Variants in NCEH1 observed in about 807,000 individuals in gnomAD.
NCEH1 encodes the protein 2-acetyl MAGE hydrolase.
A neutral mutation model predicts 25.4 loss-of-function variants in NCEH1; 9 were observed. The observed-to-expected ratio is 0.35, with a 90% CI of 0.21 to 0.62. NCEH1 has a LOEUF of 0.62. NCEH1 is among the 20% of genes least tolerant of loss of function. The pLI is 0.72. For missense variants in NCEH1, 412 were observed against 501.1 expected, an observed-to-expected ratio of 0.82 and a Z score of 1.70; for synonymous variants, 200 against 199.8, an observed-to-expected ratio of 1.00 and a Z score of -0.01.
At chr3:172,664,150 C>T (rs1311216627) in intron 1 of NCEH1, among the ~76,000 whole-genome samples, 1 of 152,144 alleles carries the variant, frequency 6.6e-6, no homozygotes, top group African/African-American at 2.4e-5. Context: ...GTAAGGCAGG[C>T]CTACTGGTGA....
At chr3:172,669,330 T>C (rs945737541) in intron 1 of NCEH1, among the ~76,000 whole-genome samples, 2 of 152,232 alleles carry the variant, frequency 1.3e-5, no homozygotes, top group African/African-American at 4.8e-5. Flanking sequence ...TAAGATGCTA[T>C]GGCTGAACTT....
intron 1 of NCEH1, among the ~76,000 whole-genome samples, chr3:172,659,985 C>T (rs1352951667): frequency 7.1e-6 from 1 of 140,542 alleles, no homozygotes; most frequent in African/African-American, 2.7e-5. Flanking sequence ...TGAAGCATTT[C>T]TTTTTTTTTT....
chr3:172,707,196 T>C (rs1271744732), intron 1 of NCEH1, among the ~76,000 whole-genome samples: 2 of 152,078 alleles, frequency 1.3e-5, no homozygotes, highest in South Asian at 4.2e-4. Context: ...CTGCATAGCA[T>C]TTGGAAATCA....
At chr3:172,683,901 A>G (rs1205714406) in intron 1 of NCEH1, among the ~76,000 whole-genome samples, 1 of 152,222 alleles carries the variant, frequency 6.6e-6, no homozygotes, top group Non-Finnish European at 1.5e-5. Context: ...TTACCACAGT[A>G]GTGTTACTTA....
Position 172,647,961 on chromosome 3 carries a change from G to A in NCEH1, c.292C>T (p.Pro98Ser), listed in dbSNP as rs1717197650. 2 of 1,614,110 alleles carry A rather than the reference G, an allele frequency of 1.2e-6. No individual in the cohort carries two copies. Among genetic ancestry groups the A allele is most frequent in the Non-Finnish European group, 1.7e-6 (2 of 1,180,020 alleles). ...DGVEVRVFEG[P>S]PKPEEPLKRS... Reference sequence around the variant, plus strand: ...TTCAGTGGCTCTTCGGGCTTCGGAGGGCCTTCAAACACTCTGACTTCCACA... The same window carrying A: ...TTCAGTGGCTCTTCGGGCTTCGGAGAGCCTTCAAACACTCTGACTTCCACA... Residue 98 changes from proline to serine, a missense_variant, in exon 2 of 5, where the codon CCT becomes TCT. By Grantham distance (74) the Pro-to-Ser change is moderately conservative. Coordinates refer to ENST00000475381, the MANE Select transcript of NCEH1 (RefSeq NM_020792.6).
chr3:172,639,472 T>C (rs2108490336), intron 3 of NCEH1, among the ~76,000 whole-genome samples: 1 of 152,254 alleles, frequency 6.6e-6, no homozygotes, highest in Middle Eastern at 3.4e-3. Flanking sequence ...AGGAAATTCA[T>C]GGGTGGTACA....
At chr3:172,645,749 C>A in intron 2 of NCEH1, 57 bp from the exon 3 acceptor site, 3 of 1,030,070 alleles carry the variant, frequency 2.9e-6, no homozygotes, top group South Asian at 3.6e-5. Flanking sequence ...ACTGTCCACT[C>A]ATAAATTCTG....
chr3:172,643,470 G>C (rs959184115), intron 3 of NCEH1, among the ~76,000 whole-genome samples: 1 of 152,150 alleles, frequency 6.6e-6, no homozygotes, highest in African/African-American at 2.4e-5. Flanking sequence ...GATGGAACTT[G>C]ACTGCCATAT....
At chr3:172,663,705 C>T (rs1026734867) in intron 1 of NCEH1, among the ~76,000 whole-genome samples, 3 of 152,164 alleles carry the variant, frequency 2.0e-5, no homozygotes, top group Admixed American at 1.3e-4. Flanking sequence ...GATCCCTTTA[C>T]CATTATGTAA....
rs189177464 is a variant in NCEH1, at chr3:172,652,553, G to C, written c.139-4439C>G. Among the ~76,000 whole-genome samples, 465 of 152,230 alleles carry C rather than the reference G, an allele frequency of 3.1e-3. 1 individual carries two copies. The highest frequency in any genetic ancestry group is 0.01 in the African/African-American group (420 of 41,526). On this transcript the variant is annotated intron_variant, in intron 1 of 4. Coordinates refer to ENST00000475381, the MANE Select transcript of NCEH1 (RefSeq NM_020792.6). The stretch of plus-strand genomic sequence containing the variant: ...ACCTAAAAGCAAACAGTGATGAGTG[G>C]GAATTCCTAAACTCACTGGGAATAA...
intron 1 of NCEH1, among the ~76,000 whole-genome samples, chr3:172,687,487 C>A (rs1441385252): frequency 6.6e-6 from 1 of 152,186 alleles, no homozygotes; most frequent in African/African-American, 2.4e-5. Context: ...GAAAGTAATT[C>A]AATAAATATT....
chr3:172,703,520 T>A (rs1713812665), intron 1 of NCEH1, among the ~76,000 whole-genome samples: 2 of 114,434 alleles, frequency 1.7e-5, no homozygotes, highest in African/African-American at 7.7e-5. Context: ...AGAGCAAGAC[T>A]CTGTCTCAAA....
intron 2 of NCEH1, 85 bp downstream of exon 2, chr3:172,647,801 T>C: frequency 1.3e-6 from 2 of 1,555,986 alleles, no homozygotes; most frequent in Non-Finnish European, 8.7e-7. Flanking sequence ...TCCCCTTCTT[T>C]CCCACTAAGA....
intron 1 of NCEH1, among the ~76,000 whole-genome samples, chr3:172,703,828 A>G (rs965013171): frequency 6.6e-6 from 1 of 152,208 alleles, no homozygotes; most frequent in Non-Finnish European, 1.5e-5. Context: ...TTTCATAGGT[A>G]CTATCTGCAG....
rs973136965 is a variant in NCEH1 at position 172,632,947 on chromosome 3, C to T, written c.*528G>A. On this transcript the variant is annotated 3_prime_UTR_variant, in exon 5 of 5. Coordinates refer to ENST00000475381, the MANE Select transcript of NCEH1 (RefSeq NM_020792.6). The stretch of plus-strand genomic sequence containing the variant: ...CTTGTTCTTTCCAGAAAACCTTTGC[C>T]AAAATTCCCATAGGAAACAAAACCA... 6.5e-6 allele frequency: 1 copy of T among 152,692 alleles called. No homozygotes were observed. Among genetic ancestry groups the T allele is most frequent in the Admixed American group, 6.5e-5 (1 of 15,268 alleles). The allele number at this position is 152,692 out of a possible 1,614,324, so 9.5% of individuals were successfully genotyped here.
intron 1 of NCEH1, among the ~76,000 whole-genome samples, chr3:172,708,843 C>T (rs57710455): frequency 0.055 from 8,398 of 152,196 alleles, 766 homozygotes; most frequent in African/African-American, 0.19. Context: ...ATTACTAAAC[C>T]TTATAGCAAA....
intron 1 of NCEH1, among the ~76,000 whole-genome samples, chr3:172,681,838 G>A (rs1712396401): frequency 6.6e-6 from 1 of 151,500 alleles, no homozygotes; most frequent in Non-Finnish European, 1.5e-5. Context: ...ACCCATCCAG[G>A]AGGCAGAGGT....
At position 172,711,016 on chromosome 3, in the gene NCEH1, CAA is replaced by C; in HGVS notation, c.-34_-33del. The C allele has an allele frequency of 4.3e-6, 7 of 1,613,806 alleles. No homozygotes were observed. The highest frequency in any genetic ancestry group is 5.9e-6 in the Non-Finnish European group (7 of 1,180,004). Reference sequence around the variant, plus strand: ...CTGGCTCGGCTCGCCAGCGGGCTGGCAAAGAGGAAAGGGCGATACCACCCGGA... The same window carrying C: ...CTGGCTCGGCTCGCCAGCGGGCTGGCAGAGGAAAGGGCGATACCACCCGGA... On this transcript the variant is annotated 5_prime_UTR_variant, in exon 1 of 5. Transcript: ENST00000475381.
At chr3:172,635,885 A>T in intron 4 of NCEH1, 31 bp downstream of exon 4, 1 of 1,608,152 alleles carries the variant, frequency 6.2e-7, no homozygotes, top group Non-Finnish European at 8.5e-7. Context: ...GCACCGCTTA[A>T]CCCACCAGCA....
Sources: gnomAD v4.1 joint callset for allele counts (sites outside exome capture counted in the v4.1 genomes callset) on GRCh38, gnomAD v4.1.1 for gene constraint, MANE v1.5 for transcripts, NCBI Gene and HGNC (gene_info 2026-07-23, HGNC 2026-07-21) for gene names.